Variants in MYOM2 observed in about 807,000 individuals in gnomAD.
MYOM2 encodes the protein myomesin-2.
Under a neutral mutation model 187.6 loss-of-function variants are expected in MYOM2, and 254 were observed. The ratio of observed to expected loss-of-function variants is 1.35; its 90% CI spans 1.22 to 1.50. The LOEUF (loss-of-function observed/expected upper bound fraction) is 1.50. Ranked by LOEUF, MYOM2 falls within the 40% of genes most tolerant of loss-of-function variation. The probability of loss-of-function intolerance (pLI) is 0.00; values close to 1 mark genes in which losing one functional copy is unlikely to be tolerated. For synonymous variants in MYOM2, 981 were observed against 753.8 expected, an observed-to-expected ratio of 1.30 and a Z score of -4.94; for missense variants, 2,796 against 1,924.0, an observed-to-expected ratio of 1.45 and a Z score of -8.48.
rs1344054511 is a variant in MYOM2, at chr8:2,145,150, G to A, written c.*169G>A. 1.3e-5 allele frequency: 9 copies of A among 696,204 alleles called. No homozygotes were observed. Among genetic ancestry groups the A allele is most frequent in the African/African-American group, 3.6e-5 (2 of 55,400 alleles). 43.1% of individuals were successfully genotyped at this position (696,204 alleles called of 1,614,324 possible). A position where few individuals can be genotyped will look rare whatever the true frequency, so the allele number is the denominator to read the frequency against. ...ATTTGGTGATGAATATTTTATACCC[G>A]TCTAAGGGAGAAAGCTAATGTTTTC... On this transcript the variant is annotated 3_prime_UTR_variant, in exon 37 of 37. Transcript: ENST00000262113.
chr8:2,074,408 A>G (rs566789500), intron 10 of MYOM2, among the ~76,000 whole-genome samples: 2 of 152,208 alleles, frequency 1.3e-5, no homozygotes, highest in Non-Finnish European at 2.9e-5. Flanking sequence ...TGTTTTTGGC[A>G]TCATGTGACT....
chr8:2,132,258 C>T (rs1402789258), intron 32 of MYOM2, among the ~76,000 whole-genome samples: 2 of 152,058 alleles, frequency 1.3e-5, no homozygotes, highest in Non-Finnish European at 2.9e-5. Context: ...TAATGGGTGA[C>T]ATGGAATCAA....
Position 2,050,813 on chromosome 8 carries a change from T to C in MYOM2, c.47T>C (p.Phe16Ser). 1 of 1,613,724 alleles carries C rather than the reference T, an allele frequency of 6.2e-7. No homozygotes were observed. The change falls in exon 2 of 37, where the codon TTC becomes TCC. Residue 16 changes from phenylalanine (F) to serine (S), a missense_variant. Coordinates refer to ENST00000262113, the MANE Select transcript of MYOM2 (RefSeq NM_003970.4). ...VPFYQKRHRH[F>S]DQSYRNIQTR... ...TTCTACCAGAAGAGACATAGGCACT[T>C]CGACCAGTCCTACCGTAATATTCAA...
intron 32 of MYOM2, among the ~76,000 whole-genome samples, chr8:2,132,571 C>T (rs1797912644): frequency 1.3e-5 from 2 of 151,096 alleles, no homozygotes; most frequent in Admixed American, 6.6e-5. Context: ...AAAGAAATTG[C>T]AGTCTCTCTT....
At chr8:2,080,842 C>T (rs1819596870) in intron 13 of MYOM2, among the ~76,000 whole-genome samples, 2 of 143,948 alleles carry the variant, frequency 1.4e-5, no homozygotes, top group East Asian at 1.9e-4. Flanking sequence ...CAGCCCAGCC[C>T]GTGTAGAATG....
intron 25 of MYOM2, 88 bp downstream of exon 25, chr8:2,109,619 C>G: frequency 7.2e-7 from 1 of 1,379,522 alleles, no homozygotes. Flanking sequence ...CATTCTCTGT[C>G]TGTTTCCATC....
chr8:2,123,451 T>A, intron 29 of MYOM2, 86 bp downstream of exon 29: 1 of 1,469,824 alleles, frequency 6.8e-7, no homozygotes, highest in Non-Finnish European at 9.5e-7. Flanking sequence ...CTAATTTGCA[T>A]CCTGAATTTC....
intron 6 of MYOM2, 99 bp downstream of exon 6, chr8:2,059,344 C>T: frequency 9.9e-7 from 1 of 1,005,340 alleles, no homozygotes; most frequent in Non-Finnish European, 1.5e-6. Flanking sequence ...CAAATCACAC[C>T]TGTCTGTTTG....
chr8:2,095,464 G>T (rs1186251024), intron 17 of MYOM2, among the ~76,000 whole-genome samples: 5 of 151,800 alleles, frequency 3.3e-5, no homozygotes, highest in East Asian at 1.9e-4. Context: ...CTAATTTTTT[G>T]ATTTTTTTGT....
chr8:2,051,345 G>C lies in MYOM2; in HGVS notation c.107+472G>C, dbSNP rs531677460. Among the ~76,000 whole-genome samples the C allele has an allele frequency of 2.6e-5, 4 of 152,242 alleles. No individual in the cohort carries two copies. In the South Asian group the frequency reaches 8.3e-4, roughly 32 times the overall value. The stretch of plus-strand genomic sequence containing the variant: ...TCAAGAATCCCTGCCTCTGGGGCTG[G>C]TGTGCACCTGCATCTTCCGGAAGCT... On this transcript the variant is annotated intron_variant, in intron 2 of 36. Coordinates refer to ENST00000262113, the MANE Select transcript of MYOM2 (RefSeq NM_003970.4).
chr8:2,098,146 T>A (rs62478402), intron 18 of MYOM2: 8,196 of 152,324 alleles, frequency 0.054, 309 homozygotes, highest in South Asian at 0.081. Context: ...TCACAGCTAG[T>A]CCAGTGAGGA....
At chr8:2,123,462 G>T (rs1391244027) in intron 29 of MYOM2, 93 bp from the exon 30 acceptor site, 2 of 1,465,820 alleles carry the variant, frequency 1.4e-6, no homozygotes, top group Non-Finnish European at 1.9e-6. Context: ...CCTGAATTTC[G>T]GTGGTTTGCA....
intron 14 of MYOM2, 82 bp downstream of exon 14, chr8:2,085,472 T>C (rs1362502195): frequency 6.6e-7 from 1 of 1,511,188 alleles, no homozygotes; most frequent in Non-Finnish European, 8.9e-7. Context: ...CCCACCGCTG[T>C]CGTGATCTCC....
At chr8:2,049,998 C>T (rs893863925) in intron 1 of MYOM2, among the ~76,000 whole-genome samples, 11 of 152,160 alleles carry the variant, frequency 7.2e-5, no homozygotes, top group Non-Finnish European at 1.5e-4. Context: ...GCCTGTCTAC[C>T]GTAACCAGTG....
At chr8:2,138,405 G>A (rs1200339884) in intron 32 of MYOM2, among the ~76,000 whole-genome samples, 3 of 152,196 alleles carry the variant, frequency 2.0e-5, no homozygotes, top group Non-Finnish European at 4.4e-5. Flanking sequence ...GCCTTCGTGA[G>A]GCTCCCAGGT....
chr8:2,098,480 C>T (rs3779842), intron 18 of MYOM2, among the ~76,000 whole-genome samples: 55,986 of 152,056 alleles, frequency 0.37, 11,188 homozygotes, highest in East Asian at 0.52. Context: ...GGGGACAGTG[C>T]GTGGCCTGAG....
Position 2,144,923 on chromosome 8 carries a change from C to T in MYOM2, c.4340C>T (p.Pro1447Leu), listed in dbSNP as rs369928532. The change falls in exon 37 of 37, where the codon CCG becomes CTG. Residue 1447 changes from proline to leucine, a missense_variant. Pro to Leu is a moderately conservative substitution (Grantham distance 98). Transcript: ENST00000262113. Reference protein sequence around the residue: ...KHGEKIPDMAPPQQAKPKLIP... With the variant: ...KHGEKIPDMALPQQAKPKLIP... ...GGGGAGAAGATCCCGGACATGGCCC[C>T]GCCCCAGCAAGCCAAGCCCAAGCTC... 394 of 1,614,050 alleles carry T rather than the reference C, an allele frequency of 2.4e-4. No homozygotes were observed. The highest frequency in any genetic ancestry group is 3.1e-4 in the Non-Finnish European group (367 of 1,180,042).
intron 32 of MYOM2, among the ~76,000 whole-genome samples, chr8:2,132,472 A>G (rs1243969662): frequency 1.3e-5 from 2 of 152,240 alleles, no homozygotes; most frequent in Non-Finnish European, 2.9e-5. Flanking sequence ...CTCTTACTGA[A>G]AGGTGAGATT....
At chr8:2,050,731 T>A (rs1323624293) in intron 1 of MYOM2, 24 bp from the exon 2 acceptor site, 1 of 1,410,100 alleles carries the variant, frequency 7.1e-7, no homozygotes, top group Non-Finnish European at 1.0e-6. Flanking sequence ...GGGAGCTCAG[T>A]GTTGTGTGTG....
Sources: allele counts gnomAD v4.1 joint callset (sites outside exome capture counted in the v4.1 genomes callset), GRCh38; gene constraint gnomAD v4.1.1; transcripts MANE v1.5; gene names NCBI Gene and HGNC (gene_info 2026-07-23, HGNC 2026-07-21).